Variants in CFAP77 observed in about 807,000 individuals in gnomAD.
CFAP77 encodes cilia- and flagella-associated protein 77.
Under a neutral mutation model 31.1 loss-of-function variants are expected in CFAP77, and 25 were observed. That is an observed-to-expected ratio of 0.80 (90% CI 0.59 to 1.12). CFAP77 has a LOEUF of 1.12. CFAP77 is among the 50% of genes most tolerant of loss of function. The pLI is 0.00. For missense variants in CFAP77, 377 were observed against 397.3 expected (o/e 0.95, Z 0.44); for synonymous variants, 151 against 159.9 (o/e 0.94, Z 0.42).
intron 1 of CFAP77, chr9:132,482,187 C>CTTT: frequency 2.0e-6 from 1 of 498,108 alleles, no homozygotes; most frequent in Non-Finnish European, 3.6e-6. Flanking sequence ...TTCTTTCTTT[C>CTTT]TTTTTTTTTT....
At position 132,480,246 on chromosome 9, in the gene CFAP77, C is replaced by T; in HGVS notation, c.196-18449C>T. Among the ~76,000 whole-genome samples, 1 of 152,188 alleles carries T rather than the reference C, an allele frequency of 6.6e-6. No homozygotes were observed. The highest frequency in any genetic ancestry group is 1.9e-4 in the East Asian group (1 of 5,188). ...AGTCATGAGGTGGGAAACTGCTCAG[C>T]TCCCCTGCCCACCCACCCTGCTCTG... On this transcript the variant is annotated intron_variant, in intron 1 of 5. Coordinates refer to ENST00000393216, the MANE Select transcript of CFAP77 (RefSeq NM_001282957.2). The surrounding 1 kb of genome is among the most constrained non-coding windows in gnomAD (Gnocchi z 5.8).
intron 3 of CFAP77, among the ~76,000 whole-genome samples, chr9:132,502,368 A>AT: frequency 6.6e-6 from 1 of 151,588 alleles, no homozygotes; most frequent in Non-Finnish European, 1.5e-5. Flanking sequence ...CATCTGAACC[A>AT]TTTTTAAGTA....
At chr9:132,496,388 A>G (rs1589886503) in intron 1 of CFAP77, among the ~76,000 whole-genome samples, 1 of 152,334 alleles carries the variant, frequency 6.6e-6, no homozygotes, top group South Asian at 2.1e-4. Flanking sequence ...GTAGAATTCA[A>G]TGGCTTTTAA....
intron 1 of CFAP77, among the ~76,000 whole-genome samples, chr9:132,484,735 A>G (rs1280208165): frequency 1.3e-5 from 2 of 151,142 alleles, no homozygotes; most frequent in African/African-American, 4.9e-5. Flanking sequence ...TTTTTTTTTA[A>G]ATTTTTGTGG....
chr9:132,567,623 G>A (rs1307159953), intron 5 of CFAP77, among the ~76,000 whole-genome samples: 1 of 152,174 alleles, frequency 6.6e-6, no homozygotes, highest in African/African-American at 2.4e-5. Context: ...GCTTCTAGAG[G>A]CTGCTATAAC....
intron 3 of CFAP77, among the ~76,000 whole-genome samples, chr9:132,532,095 G>T (rs1175544249): frequency 6.6e-6 from 1 of 151,812 alleles, no homozygotes; most frequent in Non-Finnish European, 1.5e-5. Context: ...GTCACCGCAG[G>T]GGTAAAAGAA....
intron 1 of CFAP77, among the ~76,000 whole-genome samples, chr9:132,415,445 CT>C (rs901348513): frequency 2.0e-5 from 3 of 152,206 alleles, no homozygotes; most frequent in African/African-American, 7.2e-5. Flanking sequence ...GGGGCAGCCA[CT>C]GCCCTGCCGG....
rs140070796 is a variant in CFAP77 at position 132,455,045 on chromosome 9, G to A, written c.196-43650G>A. On this transcript the variant is annotated intron_variant, in intron 1 of 5. Coordinates refer to ENST00000393216, the MANE Select transcript of CFAP77 (RefSeq NM_001282957.2). The surrounding 1 kb of genome is among the most constrained non-coding windows in gnomAD (Gnocchi z 4.1). ...GAAAGAAAAGGCAATAAATTAGCCT[G>A]CACAAAGAACTCCAGTCCATGGGAA... is the stretch of plus-strand genomic sequence containing the variant. Among the ~76,000 whole-genome samples, 1 of 152,334 alleles carries A rather than the reference G, an allele frequency of 6.6e-6. No homozygotes were observed. The highest frequency in any genetic ancestry group is 2.1e-4 in the South Asian group (1 of 4,830).
chr9:132,568,760 C>T (rs1433632976), intron 5 of CFAP77, among the ~76,000 whole-genome samples: 1 of 152,050 alleles, frequency 6.6e-6, no homozygotes, highest in Non-Finnish European at 1.5e-5. Context: ...AGTGCAGTGG[C>T]ATGACAATGG....
intron 3 of CFAP77, among the ~76,000 whole-genome samples, chr9:132,525,960 T>A (rs1852352588): frequency 6.6e-6 from 1 of 152,248 alleles, no homozygotes; most frequent in Non-Finnish European, 1.5e-5. Context: ...TCTTCTGATC[T>A]ATAGCTTGTC....
At chr9:132,418,242 A>G (rs959301502) in intron 1 of CFAP77, among the ~76,000 whole-genome samples, 1 of 152,228 alleles carries the variant, frequency 6.6e-6, no homozygotes, top group African/African-American at 2.4e-5. Context: ...ATTTTTGGTT[A>G]TTACACCTGG....
intron 1 of CFAP77, among the ~76,000 whole-genome samples, chr9:132,431,919 T>C (rs1850417392): frequency 6.6e-6 from 1 of 152,156 alleles, no homozygotes; most frequent in Admixed American, 6.5e-5. Context: ...TCCTCTGTCT[T>C]ATCCTCCCGA....
chr9:132,477,522 G>A (rs903527948), intron 1 of CFAP77, among the ~76,000 whole-genome samples: 3 of 152,240 alleles, frequency 2.0e-5, no homozygotes, highest in African/African-American at 7.2e-5. Context: ...CCCAGTGGGA[G>A]GTCGGGTCAG....
intron 1 of CFAP77, among the ~76,000 whole-genome samples, chr9:132,442,044 T>C (rs987692899): frequency 2.0e-5 from 3 of 152,210 alleles, no homozygotes; most frequent in Non-Finnish European, 4.4e-5. Flanking sequence ...TGTTCACTTA[T>C]TTGGCACCTA....
At chr9:132,504,111 C>T (rs1038718555) in intron 3 of CFAP77, among the ~76,000 whole-genome samples, 4 of 152,182 alleles carry the variant, frequency 2.6e-5, no homozygotes, top group Admixed American at 1.3e-4. Context: ...TTACTTAAAA[C>T]AGGAGAAAAT....
At chr9:132,428,230 A>G (rs1351475419) in intron 1 of CFAP77, among the ~76,000 whole-genome samples, 2 of 151,466 alleles carry the variant, frequency 1.3e-5, no homozygotes, top group African/African-American at 2.4e-5. Context: ...GTCTGTTCTC[A>G]AACTCCTGGG....
At chr9:132,470,237 G>A (rs1238036484) in intron 1 of CFAP77, among the ~76,000 whole-genome samples, 1 of 152,208 alleles carries the variant, frequency 6.6e-6, no homozygotes, top group East Asian at 1.9e-4. Context: ...TATGCGCCAA[G>A]TCCACGTGCC....
chr9:132,515,904 G>T (rs911600695), intron 3 of CFAP77, among the ~76,000 whole-genome samples: 4 of 152,198 alleles, frequency 2.6e-5, no homozygotes, highest in Non-Finnish European at 4.4e-5. Flanking sequence ...TCAGTGAATA[G>T]TTCCTTGGGC....
intron 3 of CFAP77, among the ~76,000 whole-genome samples, chr9:132,534,185 G>C (rs1852506218): frequency 6.6e-6 from 1 of 152,116 alleles, no homozygotes; most frequent in Non-Finnish European, 1.5e-5. Flanking sequence ...CTCCCCATCA[G>C]CCTCCACCTG....
Sources: gnomAD v4.1 joint callset for allele counts (sites outside exome capture counted in the v4.1 genomes callset) on GRCh38, gnomAD v4.1.1 for gene constraint, Gnocchi (gnomAD v3.1) non-coding constraint, MANE v1.5 for transcripts, NCBI Gene and HGNC (gene_info 2026-07-23, HGNC 2026-07-21) for gene names.